The following WDR25 variants were observed in gnomAD, a reference collection of about 807,000 sequenced individuals.
WDR25 encodes WD repeat domain 25, also known as WD repeat-containing protein 25.
WDR25 carries 35 observed loss-of-function variants against 47.7 expected under a neutral mutation model. That is an observed-to-expected ratio of 0.73 (90% CI 0.56 to 0.97). WDR25 has a LOEUF of 0.97. WDR25 is among the 50% of genes least tolerant of loss of function. WDR25 has a pLI of 0.00. For missense variants in WDR25, 634 were observed against 704.7 expected (o/e 0.90, Z 1.14); for synonymous variants, 248 against 278.9 (o/e 0.89, Z 1.10).
In WDR25 at chr14:100,522,204, T is replaced by C. The variant is rs148774941; in HGVS notation, c.1102-3666T>C. 5.6e-4 allele frequency among the ~76,000 whole-genome samples: 85 copies of C among 152,346 alleles called. 1 individual carries two copies. Among genetic ancestry groups the C allele is most frequent in the African/African-American group, 1.9e-3 (79 of 41,582 alleles). Reference sequence around the variant, plus strand: ...TTTTTACTTTATTTATTTATTTACTTGCTTGCTTTCTGCCATCCCAAAGTA... The same window carrying C: ...TTTTTACTTTATTTATTTATTTACTCGCTTGCTTTCTGCCATCCCAAAGTA... On this transcript the variant is annotated intron_variant, in intron 4 of 6. Transcript: ENST00000402312.
Position 100,528,811 on chromosome 14 carries a change from C to T in WDR25, c.1273-257C>T, listed in dbSNP as rs1447865727. 2.6e-5 allele frequency among the ~76,000 whole-genome samples: 4 copies of T among 152,218 alleles called. No individual in the cohort carries two copies. In the South Asian group the frequency reaches 6.2e-4, roughly 24 times the overall value. On this transcript the variant is annotated intron_variant, in intron 5 of 6. Transcript: ENST00000402312. ...TGGAGGAAACTGGATTCCCCTCCAG[C>T]CTCCAGAAAGAAGTGCGGCTCCGCC...
At chr14:100,457,786 C>T (rs1899252593) in intron 2 of WDR25, among the ~76,000 whole-genome samples, 1 of 152,070 alleles carries the variant, frequency 6.6e-6, no homozygotes, top group Admixed American at 6.5e-5. Flanking sequence ...AACAATAGCA[C>T]AAAGGCTAGG....
chr14:100,508,518 G>C (rs1901192556), intron 4 of WDR25, among the ~76,000 whole-genome samples: 1 of 152,092 alleles, frequency 6.6e-6, no homozygotes, highest in South Asian at 2.1e-4. Context: ...CTTTTTCCTA[G>C]ATTACTTAGA....
At chr14:100,481,467 C>A (rs1180268681) in intron 3 of WDR25, among the ~76,000 whole-genome samples, 5 of 138,666 alleles carry the variant, frequency 3.6e-5, no homozygotes, top group East Asian at 2.1e-4. Flanking sequence ...GAGGTGAAAT[C>A]ATTTGCTGGT....
intron 2 of WDR25, among the ~76,000 whole-genome samples, chr14:100,396,272 G>C (rs527998742): frequency 6.6e-6 from 1 of 152,156 alleles, no homozygotes; most frequent in Non-Finnish European, 1.5e-5. Flanking sequence ...CACTGCGCCC[G>C]GCCGAAATGT....
intron 4 of WDR25, among the ~76,000 whole-genome samples, chr14:100,515,478 C>T (rs948969829): frequency 2.6e-5 from 4 of 151,954 alleles, no homozygotes; most frequent in African/African-American, 4.8e-5. Flanking sequence ...CTATTAATAG[C>T]GGGGCATTGT....
At chr14:100,422,822 G>C (rs936006959) in intron 2 of WDR25, among the ~76,000 whole-genome samples, 1 of 152,238 alleles carries the variant, frequency 6.6e-6, no homozygotes, top group Non-Finnish European at 1.5e-5. Context: ...CAGGCCCTGT[G>C]CTCCATCCTG....
chr14:100,527,110 C>T (rs1255426200), intron 5 of WDR25, among the ~76,000 whole-genome samples: 1 of 151,472 alleles, frequency 6.6e-6, no homozygotes, highest in East Asian at 1.9e-4. Context: ...GCCGTCATTA[C>T]ACCACCCCAT....
At chr14:100,438,907 C>T (rs1474452820) in intron 2 of WDR25, among the ~76,000 whole-genome samples, 1 of 152,220 alleles carries the variant, frequency 6.6e-6, no homozygotes, top group Non-Finnish European at 1.5e-5. Flanking sequence ...GAACTCAGAA[C>T]TGCCTGGCTG....
intron 2 of WDR25, among the ~76,000 whole-genome samples, chr14:100,465,952 G>A (rs1018564288): frequency 6.6e-6 from 1 of 152,172 alleles, no homozygotes; most frequent in African/African-American, 2.4e-5. Flanking sequence ...ATTGTACTTC[G>A]TATATGCAGC....
At chr14:100,434,513 T>C (rs1298334790) in intron 2 of WDR25, among the ~76,000 whole-genome samples, 1 of 152,252 alleles carries the variant, frequency 6.6e-6, no homozygotes, top group Non-Finnish European at 1.5e-5. Context: ...TTTCAGGTGT[T>C]TCTTGGGTTT....
At chr14:100,423,338 T>G (rs1566903234) in intron 2 of WDR25, among the ~76,000 whole-genome samples, 1 of 152,110 alleles carries the variant, frequency 6.6e-6, no homozygotes, top group Non-Finnish European at 1.5e-5. Flanking sequence ...TGTCGGTGGT[T>G]GGCAGGCCCC....
chr14:100,378,228 G>T (rs1173042774), intron 1 of WDR25, among the ~76,000 whole-genome samples: 1 of 151,716 alleles, frequency 6.6e-6, no homozygotes, highest in Non-Finnish European at 1.5e-5. Context: ...GGGGTGCAAT[G>T]GCGCGATCTT....
chr14:100,474,133 C>G (rs915401824), intron 3 of WDR25, among the ~76,000 whole-genome samples: 2 of 152,196 alleles, frequency 1.3e-5, no homozygotes, highest in African/African-American at 4.8e-5. Context: ...TTCTTGCCCA[C>G]TTGTGAGTGG....
chr14:100,508,387 C>T (rs1161617210), intron 4 of WDR25, among the ~76,000 whole-genome samples: 5 of 152,108 alleles, frequency 3.3e-5, no homozygotes, highest in Non-Finnish European at 7.4e-5. Flanking sequence ...CTACTCTCAC[C>T]ATTCCTAATT....
rs1351666261 is a variant in WDR25 at position 100,484,020 on chromosome 14, G to A, written c.997G>A (p.Asp333Asn). 1 of 1,613,396 alleles carries A rather than the reference G, an allele frequency of 6.2e-7. No homozygotes were observed. The highest frequency in any genetic ancestry group is 1.7e-5 in the Admixed American group (1 of 59,840). Reference sequence around the variant, plus strand: ...AACCCAGCTATTTAGTGGTCGAAGTGACTTTAGAATCACTACCTTGAAATT... The same window carrying A: ...AACCCAGCTATTTAGTGGTCGAAGTAACTTTAGAATCACTACCTTGAAATT... ...TGTQLFSGRS[D>N]FRITTLKFHP... Residue 333 changes from aspartate to asparagine, a missense_variant, in exon 4 of 7, where the codon GAC (aspartate) becomes AAC (asparagine). Transcript: ENST00000402312.
In WDR25 at chr14:100,424,136, T is replaced by C. The variant is rs1898102644; in HGVS notation, c.822+42390T>C. ...AAACAAGGCATTCATTACCTGTTGT[T>C]TTAAGGGGAGGAAGGCACCACGGGC... is the stretch of plus-strand genomic sequence containing the variant. On this transcript the variant is annotated intron_variant, in intron 2 of 6. Transcript: ENST00000402312. This position sits in a 1 kb window ranked among gnomAD's most constrained non-coding sequence, Gnocchi z 4.2. Among the ~76,000 whole-genome samples the C allele has an allele frequency of 6.6e-6, 1 of 152,180 alleles. No individual in the cohort carries two copies. Among genetic ancestry groups the C allele is most frequent in the African/African-American group, 2.4e-5 (1 of 41,442 alleles).
intron 2 of WDR25, among the ~76,000 whole-genome samples, chr14:100,414,621 G>T (rs187690371): frequency 6.6e-6 from 1 of 152,134 alleles, no homozygotes; most frequent in Non-Finnish European, 1.5e-5. Context: ...CCGCCTAGAG[G>T]TAGTTCTTAA....
At chr14:100,427,429 G>C (rs1002321190) in intron 2 of WDR25, among the ~76,000 whole-genome samples, 1 of 152,174 alleles carries the variant, frequency 6.6e-6, no homozygotes, top group Admixed American at 6.5e-5. Context: ...TCCCCAGCTT[G>C]ATCACAGTCA....
Sources: allele counts gnomAD v4.1 joint callset (sites outside exome capture counted in the v4.1 genomes callset), GRCh38; gene constraint gnomAD v4.1.1; non-coding constraint Gnocchi (gnomAD v3.1); transcripts MANE v1.5; gene names NCBI Gene and HGNC (gene_info 2026-07-23, HGNC 2026-07-21).